The following CCDC88B variants were observed in gnomAD, a reference collection of about 807,000 sequenced individuals.
CCDC88B encodes the protein coiled-coil domain-containing protein 88B.
A neutral mutation model predicts 183.7 loss-of-function variants in CCDC88B; 138 were observed. The ratio of observed to expected loss-of-function variants is 0.75; its 90% confidence interval spans 0.65 to 0.87. The LOEUF (loss-of-function observed/expected upper bound fraction) is 0.87. Among genes scored for constraint, CCDC88B ranks in the 40% least tolerant of loss-of-function variants. CCDC88B has a pLI of 0.00. For synonymous variants in CCDC88B, 835 were observed against 867.5 expected (o/e 0.96, Z 0.66); for missense variants, 1,822 against 1,965.6 (o/e 0.93, Z 1.38).
rs1437849940 is a variant in CCDC88B at position 64,343,212 on chromosome 11, TC to T, written c.1098del (p.Lys367ArgfsTer76). On this transcript the variant is annotated frameshift_variant, in exon 11 of 27. Coordinates refer to ENST00000356786, the MANE Select transcript of CCDC88B (RefSeq NM_032251.6). LOFTEE classifies it high-confidence loss of function. ...ERVLSGVLEASKALLEEQLEA... is the reference protein window; with the variant it reads ...ERVLSGVLEAXKALLEEQLEA... The stretch of plus-strand genomic sequence containing the variant: ...GGTGCTCTCGGGGGTGCTGGAGGCG[TC>T]CAAGGCGCTGCTGGAAGAGCAGCTG... The T allele has an allele frequency of 1.3e-6, 2 of 1,544,132 alleles. No homozygotes were observed. Among genetic ancestry groups the T allele is most frequent in the South Asian group, 2.4e-5 (2 of 83,948 alleles).
intron 7 of CCDC88B, 104 bp from the exon 8 acceptor site, chr11:64,341,890 G>C: frequency 1.7e-6 from 1 of 591,816 alleles, no homozygotes; most frequent in Non-Finnish European, 2.5e-6. Flanking sequence ...CAACCAGATG[G>C]CCCAAGACCC....
At chr11:64,355,071 T>G in intron 24 of CCDC88B, 123 bp from the exon 25 acceptor site, 13 of 96,932 alleles carry the variant, frequency 1.3e-4, no homozygotes, top group South Asian at 6.5e-4. Context: ...CAGCACCCCC[T>G]CCCCTTGTCT....
chr11:64,342,483 C>A, intron 9 of CCDC88B, 39 bp from the exon 10 acceptor site: 2 of 1,529,754 alleles, frequency 1.3e-6, no homozygotes, highest in Non-Finnish European at 1.8e-6. Context: ...CCCTCTGGCC[C>A]GCGGCTGGCT....
intron 14 of CCDC88B, 95 bp from the exon 15 acceptor site, chr11:64,349,236 G>A: frequency 1.4e-6 from 2 of 1,416,454 alleles, no homozygotes; most frequent in Admixed American, 2.4e-5. Context: ...CAGGATGGCA[G>A]GTCAAGGACA....
intron 14 of CCDC88B, among the ~76,000 whole-genome samples, chr11:64,346,217 T>G (rs544386327): frequency 6.6e-6 from 1 of 152,178 alleles, no homozygotes; most frequent in South Asian, 2.1e-4. Context: ...ATGGTGTAAG[T>G]GGCAGAGGAA....
At position 64,357,032 on chromosome 11, in the gene CCDC88B, C is replaced by G. The variant is rs574764950; in HGVS notation, c.4376-7C>G. ...GAAGCAGATCTCAGCTGAGCCTTTC[C>G]CTCTAGGCCCTGAGGTACAGGAACC... On this transcript the variant is annotated splice_region_variant and splice_polypyrimidine_tract_variant and intron_variant, in intron 26 of 26. Transcript: ENST00000356786. The G allele has an allele frequency of 6.3e-7, 1 of 1,576,072 alleles. No homozygotes were observed. Among genetic ancestry groups the G allele is most frequent in the East Asian group, 2.2e-5 (1 of 44,474 alleles).
chr11:64,344,652 G>A lies in CCDC88B; in HGVS notation c.2111G>A (p.Gly704Glu), dbSNP rs2036027194. ...AWQKPQQKSE[G>E]ALEVQVWEGP... ...CAAAAACCACAGCAGAAGTCAGAAG[G>A]GGCTCTTGAGGTCCAGGTCTGGGAA... is the stretch of plus-strand genomic sequence containing the variant. Residue 704 changes from glycine to glutamate, a missense_variant, in exon 14 of 27, where the codon GGG (glycine) becomes GAG (glutamate). Physicochemically the swap from Gly to Glu is moderately conservative, Grantham distance 98. Transcript: ENST00000356786. This position sits in a 1 kb window ranked among gnomAD's most constrained non-coding sequence, Gnocchi z 4.5. 1 of 1,613,988 alleles carries A rather than the reference G, an allele frequency of 6.2e-7. No individual in the cohort carries two copies. Among genetic ancestry groups the A allele is most frequent in the Non-Finnish European group, 8.5e-7 (1 of 1,179,940 alleles).
In CCDC88B at chr11:64,340,770, G is replaced by A. The variant is rs565722976; in HGVS notation, c.206+18G>A. On this transcript the variant is annotated intron_variant, in intron 2 of 26. Transcript: ENST00000356786. The stretch of plus-strand genomic sequence containing the variant: ...GGCATCATGTAAGGGGCATCGGGCC[G>A]GGGCGGTGGCGGGGAAGGATCTGAG... 48 of 1,595,374 alleles carry A rather than the reference G, an allele frequency of 3.0e-5. No individual in the cohort carries two copies. The Admixed American group carries it at 6.2e-4, about 21-fold the overall frequency.
At chr11:64,353,685 C>A (rs763201778) in intron 22 of CCDC88B, 30 bp from the exon 23 acceptor site, 2 of 1,611,976 alleles carry the variant, frequency 1.2e-6, no homozygotes, top group African/African-American at 1.3e-5. Flanking sequence ...CTGGGCCTCA[C>A]ACCCACCTCT....
rs1056845201 is a variant in CCDC88B, at chr11:64,353,391, G to A, written c.3728G>A (p.Arg1243Gln). Residue 1243 changes from arginine (R) to glutamine (Q), a missense_variant, in exon 22 of 27, where the codon CGG (arginine) becomes CAG (glutamine). Transcript: ENST00000356786. Reference sequence around the variant, plus strand: ...CGAAGTGCCCAGGAAGAGGAGAACCGGCAGCTGCTGGCTGAAGTTCAGGCC... The same window carrying A: ...CGAAGTGCCCAGGAAGAGGAGAACCAGCAGCTGCTGGCTGAAGTTCAGGCC... Reference protein sequence around the residue: ...QLRSAQEEENRQLLAEVQALS... With the variant: ...QLRSAQEEENQQLLAEVQALS... The A allele has an allele frequency of 7.4e-6, 12 of 1,613,424 alleles. No homozygotes were observed. Among genetic ancestry groups the A allele is most frequent in the Middle Eastern group, 1.7e-4 (1 of 5,974 alleles).
intron 19 of CCDC88B, among the ~76,000 whole-genome samples, 165 bp from the exon 20 acceptor site, chr11:64,352,579 T>C (rs1012576626): frequency 3.9e-5 from 6 of 152,232 alleles, no homozygotes; most frequent in African/African-American, 1.4e-4. Context: ...GGCTCACCTA[T>C]TGGGAGTGGT....
chr11:64,349,775 C>A, intron 16 of CCDC88B, 107 bp downstream of exon 16: 4 of 1,107,072 alleles, frequency 3.6e-6, no homozygotes, highest in South Asian at 1.4e-5. Flanking sequence ...GGATTCTTGG[C>A]TAGCTACTTG....
intron 14 of CCDC88B, among the ~76,000 whole-genome samples, chr11:64,347,412 C>T (rs2036155466): frequency 6.6e-6 from 1 of 152,220 alleles, no homozygotes; most frequent in South Asian, 2.1e-4. Context: ...GGAACTGAGT[C>T]ATCCTGCACA....
rs748071294 is a variant in CCDC88B, at chr11:64,349,433, C to T, written c.2719C>T (p.Arg907Ter). 1.4e-5 allele frequency: 22 copies of T among 1,608,874 alleles called. No individual in the cohort carries two copies. The South Asian group carries it at 1.6e-4, about 12-fold the overall frequency. Residue 907 changes from arginine (R) to a stop codon, truncating the protein, a stop_gained, in exon 15 of 27, where the codon CGA becomes TGA. Transcript: ENST00000356786. LOFTEE classifies it high-confidence loss of function. ...QAALERQEFL[R>*]EKESQHQRYQ... ...GGCTCTCGAGCGCCAGGAATTTCTG[C>T]GAGAAAAGGAAAGCCAGCACCAGAG...
chr11:64,344,954 G>T lies in CCDC88B; in HGVS notation c.2413G>T (p.Glu805Ter), dbSNP rs2036042629. The change falls in exon 14 of 27, where the codon GAG becomes TAG. Residue 805 changes from glutamate (E) to a stop codon, truncating the protein, a stop_gained. Transcript: ENST00000356786. LOFTEE classifies it high-confidence loss of function. The surrounding 1 kb of genome is among the most constrained non-coding windows in gnomAD (Gnocchi z 4.5). Reference sequence around the variant, plus strand: ...AGTGGAGGCTGCTGGCCAGGAGCTGGAGTCTGCGTCCCAGGAACGGGAGGC... The same window carrying T: ...AGTGGAGGCTGCTGGCCAGGAGCTGTAGTCTGCGTCCCAGGAACGGGAGGC... ...EAVEAAGQELESASQEREALV... is the reference protein window; with the variant it reads ...EAVEAAGQEL The T allele has an allele frequency of 6.4e-7, 1 of 1,554,152 alleles. No individual in the cohort carries two copies. Among genetic ancestry groups the T allele is most frequent in the Non-Finnish European group, 8.7e-7 (1 of 1,150,176 alleles).
intron 20 of CCDC88B, 32 bp from the exon 21 acceptor site, chr11:64,353,022 C>G (rs745989236): frequency 4.5e-6 from 7 of 1,553,764 alleles, no homozygotes; most frequent in Non-Finnish European, 6.1e-6. Context: ...GGACCCAGGT[C>G]CCTTGGAGAG....
rs1451349953 is a variant in CCDC88B at position 64,343,516 on chromosome 11, T to C, written c.1219T>C (p.Ser407Pro). ...RLGEAHAELD[S>P]LRHQVDQLAE... ...CTTCCCTCACCCCCAGGAGCTGGAC[T>C]CTCTGCGGCATCAGGTGGACCAGCT... is the stretch of plus-strand genomic sequence containing the variant. The change falls in exon 12 of 27, where the codon TCT becomes CCT. Residue 407 changes from serine (S) to proline (P), a missense_variant. Ser to Pro is a moderately conservative substitution (Grantham distance 74). Transcript: ENST00000356786. The C allele has an allele frequency of 6.4e-7, 1 of 1,551,678 alleles. No homozygotes were observed. The highest frequency in any genetic ancestry group is 1.2e-5 in the South Asian group (1 of 84,060).
At position 64,345,298 on chromosome 11, in the gene CCDC88B, C is replaced by T. The variant is rs1041368826; in HGVS notation, c.2616+141C>T. 5.0e-6 allele frequency: 5 copies of T among 1,001,016 alleles called. No individual in the cohort carries two copies. The Admixed American group carries it at 1.0e-4, about 21-fold the overall frequency. The allele number at this position is 1,001,016 out of a possible 1,614,324, so 62.0% of individuals were successfully genotyped here. On this transcript the variant is annotated intron_variant, in intron 14 of 26. Transcript: ENST00000356786. ...GATAGAAAGGCCAAGTCCACCCCTG[C>T]CTTCCAAAGGTGTGCCTGGCCTGGG...
In CCDC88B at chr11:64,342,697, G is replaced by A; in HGVS notation, c.1062+17G>A. ...CAGCTGGAGGTGAGGCGGAGACGGA[G>A]CCGCGGGGCGGGGCGTGCGCGAGGG... On this transcript the variant is annotated intron_variant, in intron 10 of 26. Transcript: ENST00000356786. 6.8e-7 allele frequency: 1 copy of A among 1,462,210 alleles called. No homozygotes were observed. The highest frequency in any genetic ancestry group is 9.0e-7 in the Non-Finnish European group (1 of 1,114,208). The allele number at this position is 1,462,210 out of a possible 1,614,324, so 90.6% of individuals were successfully genotyped here.
Sources: gnomAD v4.1 joint callset for allele counts (sites outside exome capture counted in the v4.1 genomes callset) on GRCh38, gnomAD v4.1.1 for gene constraint, Gnocchi (gnomAD v3.1) non-coding constraint, MANE v1.5 for transcripts, NCBI Gene and HGNC (gene_info 2026-07-23, HGNC 2026-07-21) for gene names.